The following PCDHGA12 variants were observed in gnomAD, a reference collection of about 807,000 sequenced individuals.
PCDHGA12 encodes protocadherin gamma-A12.
In PCDHGA12, 43 loss-of-function variants were observed where a neutral mutation model predicts 61.1. The ratio of observed to expected loss-of-function variants is 0.70; its 90% CI spans 0.55 to 0.91. PCDHGA12 has a LOEUF of 0.91. PCDHGA12 is among the 40% of genes least tolerant of loss of function. The pLI is 0.00. For missense variants in PCDHGA12, 1,236 were observed against 1,227.7 expected, an observed-to-expected ratio of 1.01 and a Z score of -0.10; for synonymous variants, 520 against 542.9, an observed-to-expected ratio of 0.96 and a Z score of 0.59.
In PCDHGA12 at chr5:141,490,682, C is replaced by T. The variant is rs1286126848; in HGVS notation, c.2425-4125C>T. On this transcript the variant is annotated intron_variant, in intron 1 of 3. Coordinates refer to ENST00000252085, the MANE Select transcript of PCDHGA12 (RefSeq NM_003735.3). The surrounding 1 kb of genome is among the most constrained non-coding windows in gnomAD (Gnocchi z 5.4). ...CTTTGCACTGTGGCTGCCTCAGATC[C>T]AGACACTGGGGATAATGCCCGCCTC... 10 of 1,614,054 alleles carry T rather than the reference C, an allele frequency of 6.2e-6. No homozygotes were observed. The highest frequency in any genetic ancestry group is 3.3e-5 in the Admixed American group (2 of 60,008).
chr5:141,496,589 G>A (rs914585858), intron 2 of PCDHGA12, among the ~76,000 whole-genome samples: 7 of 152,124 alleles, frequency 4.6e-5, no homozygotes, highest in Admixed American at 6.5e-5. Flanking sequence ...AACGCAAAGC[G>A]CTTCTTAGAA....
intron 1 of PCDHGA12, among the ~76,000 whole-genome samples, chr5:141,471,744 A>G (rs2099263733): frequency 6.6e-6 from 1 of 152,208 alleles, no homozygotes; most frequent in South Asian, 2.1e-4. Context: ...GAGACATAAC[A>G]TATTTGAGGG....
At position 141,432,395 on chromosome 5, in the gene PCDHGA12, G is replaced by T. The variant is rs748660079; in HGVS notation, c.1636G>T (p.Val546Leu). The change falls in exon 1 of 4, where the codon GTG (valine) becomes TTG (leucine). Residue 546 changes from valine (V) to leucine (L), a missense_variant. Coordinates refer to ENST00000252085, the MANE Select transcript of PCDHGA12 (RefSeq NM_003735.3). This position sits in a 1 kb window ranked among gnomAD's most constrained non-coding sequence, Gnocchi z 6.0. ...CGGGCACCCGCCCCTCAGCAGCAAC[G>T]TGTCGTTGAGCCTGTTCGTGCTGGA... ...DNGHPPLSSN[V>L]SLSLFVLDQN... 5 of 1,614,242 alleles carry T rather than the reference G, an allele frequency of 3.1e-6. No individual in the cohort carries two copies. In the East Asian group the frequency reaches 8.9e-5, roughly 29 times the overall value.
chr5:141,484,230 G>A (rs1325484143), intron 1 of PCDHGA12, among the ~76,000 whole-genome samples: 2 of 152,174 alleles, frequency 1.3e-5, no homozygotes, highest in Non-Finnish European at 2.9e-5. Flanking sequence ...CAGGTAAAGA[G>A]ATCTGGTCCT....
chr5:141,432,173 GTC>G lies in PCDHGA12; in HGVS notation c.1418_1419del (p.Ser473CysfsTer9). 6.2e-7 allele frequency: 1 copy of G among 1,614,054 alleles called. No individual in the cohort carries two copies. Among genetic ancestry groups the G allele is most frequent in the Non-Finnish European group, 8.5e-7 (1 of 1,180,018 alleles). Reference sequence around the variant, plus strand: ...GAACAATCCCAGAGGAGTTTCCCTCGTCTCTGTGACCGCCCACGACCCCGACT... The same window carrying G: ...GAACAATCCCAGAGGAGTTTCCCTCGTCTGTGACCGCCCACGACCCCGACT... ...PENNPRGVSL[V>X]SVTAHDPDCE... On this transcript the variant is annotated frameshift_variant, in exon 1 of 4. Coordinates refer to ENST00000252085, the MANE Select transcript of PCDHGA12 (RefSeq NM_003735.3). LOFTEE classifies it high-confidence loss of function. This position sits in a 1 kb window ranked among gnomAD's most constrained non-coding sequence, Gnocchi z 6.0.
At position 141,490,054 on chromosome 5, in the gene PCDHGA12, G is replaced by A. The variant is rs2099695440; in HGVS notation, c.2425-4753G>A. The A allele has an allele frequency of 6.2e-7, 1 of 1,614,104 alleles. No individual in the cohort carries two copies. The highest frequency in any genetic ancestry group is 1.3e-5 in the African/African-American group (1 of 74,944). ...CCTCAATGCCACTGATCCAGACGAG[G>A]GCACCAACGGCCAACTAGACTATTC... On this transcript the variant is annotated intron_variant, in intron 1 of 3. Transcript: ENST00000252085. This position sits in a 1 kb window ranked among gnomAD's most constrained non-coding sequence, Gnocchi z 5.4.
At chr5:141,443,790 T>A (rs1178101439) in intron 1 of PCDHGA12, among the ~76,000 whole-genome samples, 2 of 151,832 alleles carry the variant, frequency 1.3e-5, no homozygotes, top group Admixed American at 6.6e-5. Flanking sequence ...ACAAAAAAAA[T>A]GAAAAGGAAA....
At chr5:141,466,621 T>A (rs911794654) in intron 1 of PCDHGA12, among the ~76,000 whole-genome samples, 1 of 152,208 alleles carries the variant, frequency 6.6e-6, no homozygotes, top group Non-Finnish European at 1.5e-5. Context: ...GCCGTTTTCT[T>A]TGGAGCATTG....
intron 3 of PCDHGA12, among the ~76,000 whole-genome samples, chr5:141,507,521 C>G (rs2099861196): frequency 6.6e-6 from 1 of 151,972 alleles, no homozygotes; most frequent in African/African-American, 2.4e-5. Flanking sequence ...GGCTATGATT[C>G]CAGAGAGGCC....
rs2099883627 is a variant in PCDHGA12, at chr5:141,511,136, G to A, written c.2762G>A (p.Gly921Asp). 4.3e-6 allele frequency: 7 copies of A among 1,614,194 alleles called. No homozygotes were observed. The East Asian group carries it at 1.6e-4, about 36-fold the overall frequency. The change falls in exon 4 of 4, where the codon GGC (glycine) becomes GAC (aspartate). Residue 921 changes from glycine (G) to aspartate (D), a missense_variant. Physicochemically the swap from Gly to Asp is moderately conservative, Grantham distance 94. Coordinates refer to ENST00000252085, the MANE Select transcript of PCDHGA12 (RefSeq NM_003735.3). ...GGCAAGGCCCCAGCAGGTGGCAATG[G>A]CAACAAGAAGAAGTCGGGCAAGAAG... Reference protein sequence around the residue: ...RDGKAPAGGNGNKKKSGKKEK... With the variant: ...RDGKAPAGGNDNKKKSGKKEK...
chr5:141,481,794 A>G (rs1433830305), intron 1 of PCDHGA12, among the ~76,000 whole-genome samples: 1 of 152,136 alleles, frequency 6.6e-6, no homozygotes, highest in Non-Finnish European at 1.5e-5. Context: ...TCTACTAAAA[A>G]TACAAAAATT....
intron 1 of PCDHGA12, among the ~76,000 whole-genome samples, chr5:141,469,004 C>T (rs570896326): frequency 3.3e-5 from 5 of 151,802 alleles, no homozygotes; most frequent in Admixed American, 2.0e-4. Flanking sequence ...TTGCTGGGTG[C>T]GGTGGGTCAC....
chr5:141,473,476 A>G (rs1300050332), intron 1 of PCDHGA12, among the ~76,000 whole-genome samples: 15 of 151,558 alleles, frequency 9.9e-5, no homozygotes, highest in Admixed American at 9.2e-4. Context: ...GCCAAGTTCA[A>G]TGGAAAAAAT....
At chr5:141,443,853 A>G (rs929370798) in intron 1 of PCDHGA12, among the ~76,000 whole-genome samples, 3 of 152,230 alleles carry the variant, frequency 2.0e-5, no homozygotes, top group African/African-American at 7.2e-5. Flanking sequence ...GGAAAGTCTG[A>G]AAACTGAAAA....
intron 1 of PCDHGA12, among the ~76,000 whole-genome samples, chr5:141,464,794 A>C (rs2154568597): frequency 6.6e-6 from 1 of 152,128 alleles, no homozygotes; most frequent in East Asian, 1.9e-4. Flanking sequence ...GCCAAATTGC[A>C]GTGATGCAGT....
At chr5:141,474,156 A>C (rs1387216017) in intron 1 of PCDHGA12, among the ~76,000 whole-genome samples, 1 of 152,244 alleles carries the variant, frequency 6.6e-6, no homozygotes, top group East Asian at 1.9e-4. Flanking sequence ...CAAGAAAATG[A>C]CAGGCCTTAT....
intron 1 of PCDHGA12, among the ~76,000 whole-genome samples, chr5:141,483,599 G>A (rs1419379218): frequency 6.6e-6 from 1 of 152,048 alleles, no homozygotes; most frequent in African/African-American, 2.4e-5. Flanking sequence ...GGTCAGGCTG[G>A]TTTACACCTC....
intron 1 of PCDHGA12, among the ~76,000 whole-genome samples, chr5:141,434,748 C>T (rs932613622): frequency 2.0e-5 from 3 of 151,818 alleles, no homozygotes; most frequent in African/African-American, 7.3e-5. Flanking sequence ...CTATGAGACC[C>T]CTGATTCCCC....
intron 2 of PCDHGA12, among the ~76,000 whole-genome samples, chr5:141,503,202 C>G (rs1562210201): frequency 6.6e-6 from 1 of 152,090 alleles, no homozygotes; most frequent in East Asian, 1.9e-4. Context: ...ATCAGCCTCT[C>G]AGTGCCCACC....
Sources: allele counts gnomAD v4.1 joint callset (sites outside exome capture counted in the v4.1 genomes callset), GRCh38; gene constraint gnomAD v4.1.1; non-coding constraint Gnocchi (gnomAD v3.1); transcripts MANE v1.5; gene names NCBI Gene and HGNC (gene_info 2026-07-23, HGNC 2026-07-21).